SLC2A2: variants seen among roughly 807,000 people sequenced by gnomAD.
SLC2A2 encodes solute carrier family 2, facilitated glucose transporter member 2.
In SLC2A2, 36 loss-of-function variants were observed where a neutral mutation model predicts 54.5. That is an observed-to-expected ratio of 0.66 (90% CI 0.51 to 0.87). The LOEUF is 0.87. Ranked by LOEUF, SLC2A2 falls within the 40% of genes least tolerant of loss-of-function variation. The probability of loss-of-function intolerance (pLI) is 0.00; values close to 1 mark genes in which losing one functional copy is unlikely to be tolerated. For synonymous variants in SLC2A2, 223 were observed against 219.1 expected (o/e 1.02, Z -0.16); for missense variants, 543 against 624.3 (o/e 0.87, Z 1.39).
In SLC2A2 at chr3:170,997,464, A is replaced by AT. The variant is rs1715133983; in HGVS notation, c.*438dup. The stretch of plus-strand genomic sequence containing the variant: ...AGTTGTCTATTTTAACATGGAACTT[A>AT]TTGCCACTAGCCATATCTCCTTTAA... On this transcript the variant is annotated 3_prime_UTR_variant, in exon 11 of 11. Transcript: ENST00000314251. The AT allele has an allele frequency of 6.1e-6, 1 of 163,056 alleles. No homozygotes were observed. Among genetic ancestry groups the AT allele is most frequent in the Admixed American group, 6.0e-5 (1 of 16,574 alleles). 10.1% of individuals were successfully genotyped at this position (163,056 alleles called of 1,614,324 possible).
chr3:171,004,268 A>C (rs561674354), intron 7 of SLC2A2, among the ~76,000 whole-genome samples: 1 of 152,162 alleles, frequency 6.6e-6, no homozygotes, highest in Non-Finnish European at 1.5e-5. Context: ...GGTTCAGAGA[A>C]ATTAAATTTT....
intron 1 of SLC2A2, among the ~76,000 whole-genome samples, chr3:171,025,808 C>T (rs920600229): frequency 1.2e-4 from 18 of 152,030 alleles, no homozygotes; most frequent in African/African-American, 1.7e-4. Flanking sequence ...TTAGAAACCA[C>T]GTATAAGGGA....
At chr3:171,010,610 A>G (rs1212638113) in intron 3 of SLC2A2, among the ~76,000 whole-genome samples, 3 of 152,074 alleles carry the variant, frequency 2.0e-5, no homozygotes, top group South Asian at 2.1e-4. Context: ...TTTTCTTTCA[A>G]TGGCACAGGT....
intron 8 of SLC2A2, among the ~76,000 whole-genome samples, chr3:171,000,285 TTCTC>T (rs1164959133): frequency 1.3e-5 from 2 of 152,092 alleles, no homozygotes; most frequent in African/African-American, 4.8e-5. Context: ...TTCATTAAAT[TTCTC>T]TCTATATTTT....
At chr3:171,014,922 C>T (rs1716072115) in intron 2 of SLC2A2, among the ~76,000 whole-genome samples, 191 bp from the exon 3 acceptor site, 1 of 152,040 alleles carries the variant, frequency 6.6e-6, no homozygotes, top group Non-Finnish European at 1.5e-5. Context: ...ACATTGCCAA[C>T]AAGAACCAGG....
chr3:170,999,111 C>A lies in SLC2A2; in HGVS notation c.1124G>T (p.Gly375Val). The change falls in exon 9 of 11, where the codon GGG becomes GTG. Residue 375 changes from glycine (G) to valine (V), a missense_variant. Transcript: ENST00000314251. ...RRSLFLIGMSGMFVCAIFMSV... is the reference protein window; with the variant it reads ...RRSLFLIGMSVMFVCAIFMSV... ...CATGAAGATGGCACAAACAAACATC[C>A]CACTCATTCCAATTAGAAAGAGAGA... 6.2e-7 allele frequency: 1 copy of A among 1,613,084 alleles called. No individual in the cohort carries two copies. The highest frequency in any genetic ancestry group is 1.1e-5 in the South Asian group (1 of 91,062).
intron 7 of SLC2A2, among the ~76,000 whole-genome samples, chr3:171,004,135 G>T (rs1415064321): frequency 6.6e-6 from 1 of 152,008 alleles, no homozygotes; most frequent in Non-Finnish European, 1.5e-5. Flanking sequence ...TGTGTTCAGT[G>T]CATAGAGGCC....
At chr3:171,003,807 G>A (rs1295271725) in intron 7 of SLC2A2, among the ~76,000 whole-genome samples, 1 of 151,954 alleles carries the variant, frequency 6.6e-6, no homozygotes, top group Non-Finnish European at 1.5e-5. Context: ...CCATGGTGTA[G>A]GCATGTGCTC....
At chr3:171,013,621 A>G (rs1329365419) in intron 3 of SLC2A2, among the ~76,000 whole-genome samples, 2 of 152,162 alleles carry the variant, frequency 1.3e-5, no homozygotes, top group East Asian at 1.9e-4. Context: ...GAATTATTAA[A>G]CTAGTTGCCT....
chr3:171,000,999 G>C (rs1467888268), intron 8 of SLC2A2, among the ~76,000 whole-genome samples: 2 of 151,966 alleles, frequency 1.3e-5, no homozygotes, highest in East Asian at 3.9e-4. Flanking sequence ...ATTTGGACTG[G>C]TTTTAAAAGA....
At chr3:171,009,915 GTGTGTGTGTGT>G in intron 4 of SLC2A2, 32 bp downstream of exon 4, 1 of 1,143,750 alleles carries the variant, frequency 8.7e-7, no homozygotes, top group Non-Finnish European at 1.2e-6. Context: ...AAAGGTAGGT[GTGTGTGTGTGT>G]GTGTGTGTGT....
chr3:171,019,102 TATATATATATATATATATATAC>T (rs1425820023), intron 1 of SLC2A2, among the ~76,000 whole-genome samples: 2 of 7,986 alleles, frequency 2.5e-4, no homozygotes, highest in African/African-American at 2.7e-3. Context: ...TGTGTGTATA[TATATATATATATATATATATAC>T]GTATGTATAT....
At chr3:171,002,763 A>G in intron 7 of SLC2A2, 83 bp from the exon 8 acceptor site, 1 of 840,688 alleles carries the variant, frequency 1.2e-6, no homozygotes, top group Non-Finnish European at 2.0e-6. Flanking sequence ...TAGATTGTTT[A>G]TTTTTAGTTG....
Position 171,006,016 on chromosome 3 carries a change from C to T in SLC2A2, c.702G>A (p.Leu234=), listed in dbSNP as rs1347618196. 1.9e-6 allele frequency: 3 copies of T among 1,612,532 alleles called. No individual in the cohort carries two copies. Among genetic ancestry groups the T allele is most frequent in the Non-Finnish European group, 2.5e-6 (3 of 1,179,090 alleles). ...GGCTTTCTGGACAGAAAAAGAGTAG[C>T]AGAGACTGAAGGATGGCTCGCACAC... ...LSGVRAILQS[L]LLFFCPESPR... Residue 234 remains leucine (L), a synonymous_variant, in exon 6 of 11, where the codon CTG becomes CTA. Coordinates refer to ENST00000314251, the MANE Select transcript of SLC2A2 (RefSeq NM_000340.2).
chr3:171,020,760 T>C (rs969354368), intron 1 of SLC2A2, among the ~76,000 whole-genome samples: 2 of 151,948 alleles, frequency 1.3e-5, no homozygotes, highest in South Asian at 2.1e-4. Flanking sequence ...GGTGTATGCC[T>C]GTAGTCCCAG....
Position 171,005,351 on chromosome 3 carries a change from G to A in SLC2A2, c.897C>T (p.Ser299=). ...GTGCCACTAGAATAGGCTGTCGGTAGCTGGAATTGGTGAAGAGCTGAATTA... is the reference window on the plus strand; with the variant it reads ...GTGCCACTAGAATAGGCTGTCGGTAACTGGAATTGGTGAAGAGCTGAATTA... The part of the protein sequence containing the change: ...VSIIQLFTNS[S]YRQPILVALM... Residue 299 remains serine (S), a synonymous_variant, in exon 7 of 11, where the codon AGC becomes AGT. Transcript: ENST00000314251. 6.2e-7 allele frequency: 1 copy of A among 1,613,002 alleles called. No individual in the cohort carries two copies. Among genetic ancestry groups the A allele is most frequent in the South Asian group, 1.1e-5 (1 of 91,066 alleles).
chr3:171,006,079 G>T lies in SLC2A2; in HGVS notation c.639C>A (p.Gly213=). 6.2e-7 allele frequency: 1 copy of T among 1,612,344 alleles called. No homozygotes were observed. Among genetic ancestry groups the T allele is most frequent in the Non-Finnish European group, 8.5e-7 (1 of 1,178,920 alleles). The change falls in exon 6 of 11, where the codon GGC becomes GGA. Residue 213 remains glycine (G), a synonymous_variant. Transcript: ENST00000314251. ...GCAGGATGTGCCACAGATCATAATT[G>T]CCCAAGATAAATTCAAGACCAATAA... ...SQIIGLEFIL[G]NYDLWHILLG... is the part of the protein sequence containing the mutation.
At position 170,999,184 on chromosome 3, in the gene SLC2A2, A is replaced by C. The variant is rs1242946013; in HGVS notation, c.1069-18T>G. On this transcript the variant is annotated intron_variant, in intron 8 of 10. Coordinates refer to ENST00000314251, the MANE Select transcript of SLC2A2 (RefSeq NM_000340.2). ...AGGAATACCTAGGACAATTTTAAAG[A>C]AATTATCTCAGTTTTGTGAGTCACA... 6.6e-7 allele frequency: 1 copy of C among 1,504,964 alleles called. No homozygotes were observed. The highest frequency in any genetic ancestry group is 1.7e-5 in the Admixed American group (1 of 59,744). The allele number at this position is 1,504,964 out of a possible 1,614,324, so 93.2% of individuals were successfully genotyped here. A position where few individuals can be genotyped will look rare whatever the true frequency, so the allele number is the denominator to read the frequency against.
chr3:171,015,824 C>T (rs1046321738), intron 2 of SLC2A2, among the ~76,000 whole-genome samples: 1 of 152,144 alleles, frequency 6.6e-6, no homozygotes, highest in African/African-American at 2.4e-5. Context: ...TCCTGTGGGT[C>T]CTCATAGAGT....
Sources: allele counts gnomAD v4.1 joint callset (sites outside exome capture counted in the v4.1 genomes callset), GRCh38; gene constraint gnomAD v4.1.1; transcripts MANE v1.5; gene names NCBI Gene and HGNC (gene_info 2026-07-23, HGNC 2026-07-21).